ESYT2: variants seen among roughly 807,000 people sequenced by gnomAD.
ESYT2 encodes the protein extended synaptotagmin-2.
Under a neutral mutation model 107.2 loss-of-function variants are expected in ESYT2, and 54 were observed. The observed-to-expected ratio is 0.50, with a 90% CI of 0.40 to 0.63. The LOEUF (loss-of-function observed/expected upper bound fraction) is 0.63. ESYT2 is among the 30% of genes least tolerant of loss of function. The pLI is 0.00. For synonymous variants in ESYT2, 491 were observed against 434.1 expected (o/e 1.13, Z -1.63); for missense variants, 1,020 against 1,094.5 (o/e 0.93, Z 0.96).
intron 6 of ESYT2, among the ~76,000 whole-genome samples, chr7:158,775,490 G>A (rs148201403): frequency 7.7e-4 from 117 of 152,258 alleles, no homozygotes; most frequent in African/African-American, 2.7e-3. Flanking sequence ...ATTCTAAATC[G>A]CTTATTGTCA....
At chr7:158,773,495 T>C (rs140688520) in intron 6 of ESYT2, 99 bp from the exon 7 acceptor site, 542 of 1,143,452 alleles carry the variant, frequency 4.7e-4, no homozygotes, top group Non-Finnish European at 6.2e-4. Flanking sequence ...AATGGGTTAG[T>C]ACACAACACA....
chr7:158,762,418 T>A, intron 10 of ESYT2, among the ~76,000 whole-genome samples: 1 of 152,154 alleles, frequency 6.6e-6, no homozygotes, highest in Non-Finnish European at 1.5e-5. Context: ...AACTCTCAAG[T>A]CAGGCCACAA....
chr7:158,739,291 G>A (rs1837101076), intron 18 of ESYT2, among the ~76,000 whole-genome samples, 170 bp from the exon 19 acceptor site: 2 of 152,198 alleles, frequency 1.3e-5, no homozygotes, highest in East Asian at 1.9e-4. Context: ...TCAAACAGAT[G>A]AATATTTTAC....
intron 20 of ESYT2, 128 bp from the exon 21 acceptor site, chr7:158,735,736 C>G: frequency 3.7e-6 from 3 of 808,958 alleles, no homozygotes; most frequent in Non-Finnish European, 5.8e-6. Context: ...AAACTGAGTT[C>G]TTCTACCTAA....
At chr7:158,777,488 G>C (rs1838610456) in intron 6 of ESYT2, among the ~76,000 whole-genome samples, 1 of 152,118 alleles carries the variant, frequency 6.6e-6, no homozygotes, top group South Asian at 2.1e-4. Context: ...TGATAGTGAG[G>C]GAGTTCTCAT....
At position 158,745,413 on chromosome 7, in the gene ESYT2, C is replaced by T. The variant is rs572046670; in HGVS notation, c.1645-1735G>A. On this transcript the variant is annotated intron_variant, in intron 16 of 22. Coordinates refer to ENST00000275418, the MANE Select transcript of ESYT2 (RefSeq NM_001367773.1). ...AAAAACATAAATTCAGAGATTTAAA[C>T]GCCATGCTCTTCATACCTGATATAA... Among the ~76,000 whole-genome samples, 9 of 149,328 alleles carry T rather than the reference C, an allele frequency of 6.0e-5. No homozygotes were observed. In the South Asian group the frequency reaches 1.1e-3, roughly 18 times the overall value.
chr7:158,785,425 CAAAA>C (rs1386684598), intron 6 of ESYT2, among the ~76,000 whole-genome samples: 1,349 of 117,086 alleles, frequency 0.012, 17 homozygotes, highest in African/African-American at 0.038. Context: ...AACTCCGTCT[CAAAA>C]TAAATAAATA....
intron 1 of ESYT2, among the ~76,000 whole-genome samples, chr7:158,802,276 C>T (rs1047903467): frequency 2.0e-5 from 3 of 152,152 alleles, no homozygotes; most frequent in South Asian, 2.1e-4. Context: ...ATTCCATGTC[C>T]TATGCACGAT....
At position 158,737,115 on chromosome 7, in the gene ESYT2, T is replaced by C. The variant is rs1836987113; in HGVS notation, c.2332A>G (p.Lys778Glu). Residue 778 changes from lysine to glutamate, a missense_variant, in exon 20 of 23, where the codon AAG becomes GAG. Coordinates refer to ENST00000275418, the MANE Select transcript of ESYT2 (RefSeq NM_001367773.1). ...PYVRMYLLPD[K>E]RRSGRRKTHV... is the part of the protein sequence containing the mutation. ...GTTTTCCTCCTTCCTGACCGCCTCT[T>C]GTCTGGTAATAAATACATGCGGACA... 4.3e-6 allele frequency: 7 copies of C among 1,613,982 alleles called. No individual in the cohort carries two copies. Among genetic ancestry groups the C allele is most frequent in the African/African-American group, 1.3e-5 (1 of 74,926 alleles).
intron 6 of ESYT2, among the ~76,000 whole-genome samples, chr7:158,781,426 T>C (rs1344353353): frequency 3.8e-5 from 2 of 53,256 alleles, no homozygotes; most frequent in Admixed American, 3.8e-4. Flanking sequence ...TAAGAACGAG[T>C]GAGAAGTGTG....
chr7:158,738,668 GT>G (rs1837074047), intron 19 of ESYT2, among the ~76,000 whole-genome samples: 1 of 152,048 alleles, frequency 6.6e-6, no homozygotes, highest in African/African-American at 2.4e-5. Context: ...GGTCAGGCTG[GT>G]CTCGAACTCC....
At position 158,741,602 on chromosome 7, in the gene ESYT2, G is replaced by C; in HGVS notation, c.2089C>G (p.Pro697Ala). The C allele has an allele frequency of 6.2e-7, 1 of 1,612,246 alleles. No individual in the cohort carries two copies. The change falls in exon 18 of 23, where the codon CCG becomes GCG. Residue 697 changes from proline (P) to alanine (A), a missense_variant. Coordinates refer to ENST00000275418, the MANE Select transcript of ESYT2 (RefSeq NM_001367773.1). ...ASPGHISVKE[P>A]TPSIASDISL... Reference sequence around the variant, plus strand: ...ATGTCCGAGGCGATGCTGGGGGTCGGCTCCTTGACTGAGATGTGGCCTGGG... The same window carrying C: ...ATGTCCGAGGCGATGCTGGGGGTCGCCTCCTTGACTGAGATGTGGCCTGGG...
chr7:158,771,956 T>C (rs1563641750), intron 7 of ESYT2, among the ~76,000 whole-genome samples: 1 of 151,746 alleles, frequency 6.6e-6, no homozygotes. Flanking sequence ...CCATCTCTAC[T>C]AAAAAAATAC....
At chr7:158,800,774 G>A (rs1010130932) in intron 1 of ESYT2, among the ~76,000 whole-genome samples, 7 of 146,660 alleles carry the variant, frequency 4.8e-5, no homozygotes, top group Non-Finnish European at 7.4e-5. Context: ...TGTCATCGAC[G>A]CTGGAGTGCA....
At position 158,782,399 on chromosome 7, in the gene ESYT2, CAA is replaced by C. The variant is rs71960308; in HGVS notation, c.747+5603_747+5604del. Among the ~76,000 whole-genome samples the C allele has an allele frequency of 2.8e-3, 309 of 111,630 alleles. 5 individuals carry two copies. Among genetic ancestry groups the C allele is most frequent in the African/African-American group, 0.011 (293 of 26,216 alleles). 73.2% of individuals were successfully genotyped at this position (111,630 alleles called of 152,430 possible). ...GAACAAAGTGAGGTAAGAACGAGAA[CAA>C]GTGAGTGAACGAGTGTGAGAACAAA... On this transcript the variant is annotated intron_variant, in intron 6 of 22. Coordinates refer to ENST00000275418, the MANE Select transcript of ESYT2 (RefSeq NM_001367773.1).
chr7:158,747,468 C>T (rs1048186302), intron 16 of ESYT2, among the ~76,000 whole-genome samples: 3 of 151,620 alleles, frequency 2.0e-5, no homozygotes, highest in African/African-American at 7.3e-5. Flanking sequence ...ATAGAAGATA[C>T]AAAGACCGTA....
At chr7:158,756,695 G>C (rs534964737) in intron 13 of ESYT2, among the ~76,000 whole-genome samples, 2 of 152,130 alleles carry the variant, frequency 1.3e-5, no homozygotes, top group South Asian at 4.1e-4. Flanking sequence ...GACTGCCTGA[G>C]ATCAGGAGTT....
intron 1 of ESYT2, among the ~76,000 whole-genome samples, 159 bp downstream of exon 1, chr7:158,828,930 G>C (rs1840543739): frequency 6.8e-6 from 1 of 146,542 alleles, no homozygotes; most frequent in African/African-American, 2.5e-5. Flanking sequence ...GCGCCTGCCT[G>C]GACCGGGGTG....
chr7:158,817,414 A>G lies in ESYT2; in HGVS notation c.330+11675T>C, dbSNP rs1038745186. Among the ~76,000 whole-genome samples, 4 of 152,228 alleles carry G rather than the reference A, an allele frequency of 2.6e-5. No homozygotes were observed. In the South Asian group the frequency reaches 8.3e-4, roughly 31 times the overall value. On this transcript the variant is annotated intron_variant, in intron 1 of 22. Transcript: ENST00000275418. ...TAGACAGTAACTTAACCAATTGCCA[A>G]TCAGAAAAATCTTTGAGTCCAGCTA...
Sources: allele counts gnomAD v4.1 joint callset (sites outside exome capture counted in the v4.1 genomes callset), GRCh38; gene constraint gnomAD v4.1.1; transcripts MANE v1.5; gene names NCBI Gene and HGNC (gene_info 2026-07-23, HGNC 2026-07-21).